LRP1B: variants seen among roughly 807,000 people sequenced by gnomAD.
The protein encoded by LRP1B is LDL receptor related protein 1B, also known as low-density lipoprotein receptor-related protein 1B.
LRP1B carries 217 observed loss-of-function variants against 556.6 expected under a neutral mutation model. That is an observed-to-expected ratio of 0.39 (90% CI 0.35 to 0.44). The LOEUF is 0.44. Among genes scored for constraint, LRP1B ranks in the 20% least tolerant of loss-of-function variants. LRP1B has a pLI of 1.00. For missense variants in LRP1B, 5,053 were observed against 5,620.8 expected (o/e 0.90, Z 3.23); for synonymous variants, 2,047 against 1,865.8 (o/e 1.10, Z -2.50).
chr2:140,308,286 C>A (rs1573766866), intron 83 of LRP1B, among the ~76,000 whole-genome samples: 1 of 151,586 alleles, frequency 6.6e-6, no homozygotes, highest in South Asian at 2.1e-4. Flanking sequence ...TATTTAATGT[C>A]AAAGTATGTA....
intron 6 of LRP1B, among the ~76,000 whole-genome samples, chr2:141,221,438 T>C (rs1683037075): frequency 6.6e-6 from 1 of 152,120 alleles, no homozygotes; most frequent in South Asian, 2.1e-4. Context: ...CATAGTCTTT[T>C]ACTCCCACAC....
intron 2 of LRP1B, among the ~76,000 whole-genome samples, chr2:141,627,802 A>G (rs1453920193): frequency 6.6e-6 from 1 of 152,122 alleles, no homozygotes; most frequent in Non-Finnish European, 1.5e-5. Flanking sequence ...ACGCGATACC[A>G]ACATAGTTTC....
intron 3 of LRP1B, among the ~76,000 whole-genome samples, chr2:141,381,078 G>C (rs1013221131): frequency 6.6e-6 from 1 of 152,004 alleles, no homozygotes; most frequent in African/African-American, 2.4e-5. Flanking sequence ...ATAATCTCCA[G>C]AAGCTGACCC....
chr2:140,356,772 T>C (rs1199442061), intron 74 of LRP1B, among the ~76,000 whole-genome samples: 1 of 151,822 alleles, frequency 6.6e-6, no homozygotes, highest in Non-Finnish European at 1.5e-5. Context: ...ATGATTCTAA[T>C]GACAGGCTAT....
rs200559665 is a variant in LRP1B, at chr2:140,483,579, T to TATATAC, written c.9425+1763_9425+1764insGTATAT. On this transcript the variant is annotated intron_variant, in intron 59 of 90. Coordinates refer to ENST00000389484, the MANE Select transcript of LRP1B (RefSeq NM_018557.3). ...ACACTCAAATATATATATATATATG[T>TATATAC]ACACACACATATATATAGACACACA... Among the ~76,000 whole-genome samples the TATATAC allele has an allele frequency of 3.2e-3, 449 of 142,444 alleles. 4 individuals are homozygous for TATATAC. The highest frequency in any genetic ancestry group is 0.01 in the African/African-American group (386 of 37,728). The allele number at this position is 142,444 out of a possible 152,430, so 93.4% of individuals were successfully genotyped here.
intron 41 of LRP1B, among the ~76,000 whole-genome samples, chr2:140,606,329 CAT>C (rs1360984105): frequency 2.0e-5 from 3 of 151,736 alleles, no homozygotes; most frequent in Non-Finnish European, 4.4e-5. Context: ...AATGTTAAAA[CAT>C]ATGCACCCAA....
intron 1 of LRP1B, among the ~76,000 whole-genome samples, chr2:141,889,658 C>T (rs553076986): frequency 1.8e-4 from 27 of 152,238 alleles, no homozygotes; most frequent in East Asian, 7.7e-4. Flanking sequence ...GACTGTCACA[C>T]TTTGCATAAT....
chr2:141,440,548 T>C (rs1680925137), intron 3 of LRP1B, among the ~76,000 whole-genome samples: 1 of 152,246 alleles, frequency 6.6e-6, no homozygotes. Flanking sequence ...TAAAATGGAC[T>C]GCAAAGGGGT....
At chr2:140,309,763 A>C (rs1558790018) in intron 83 of LRP1B, among the ~76,000 whole-genome samples, 1 of 151,884 alleles carries the variant, frequency 6.6e-6, no homozygotes, top group Non-Finnish European at 1.5e-5. Flanking sequence ...AAAAGTATAA[A>C]GAAAGATCTA....
intron 2 of LRP1B, among the ~76,000 whole-genome samples, chr2:141,790,907 A>C (rs1027887739): frequency 6.6e-6 from 1 of 152,010 alleles, no homozygotes; most frequent in African/African-American, 2.4e-5. Flanking sequence ...TAAGGCTACT[A>C]ATGTTATATG....
chr2:141,040,478 A>T (rs148232690), intron 11 of LRP1B, among the ~76,000 whole-genome samples: 2 of 152,208 alleles, frequency 1.3e-5, no homozygotes, highest in East Asian at 3.9e-4. Context: ...GCAGAAAATG[A>T]TAATCCTACT....
At chr2:140,313,362 A>C (rs1190184745) in intron 83 of LRP1B, among the ~76,000 whole-genome samples, 1 of 151,906 alleles carries the variant, frequency 6.6e-6, no homozygotes, top group South Asian at 2.1e-4. Flanking sequence ...AGCATGCATT[A>C]AAGTTTAGAC....
At position 141,020,038 on chromosome 2, in the gene LRP1B, A is replaced by G. The variant is rs1458611353; in HGVS notation, c.1854T>C (p.Asp618=). 3 of 1,612,130 alleles carry G rather than the reference A, an allele frequency of 1.9e-6. No individual in the cohort carries two copies. The highest frequency in any genetic ancestry group is 2.5e-6 in the Non-Finnish European group (3 of 1,178,684). The change falls in exon 12 of 91, where the codon GAT becomes GAC. Residue 618 remains aspartate, a synonymous_variant. Transcript: ENST00000389484. ...WIGNNLYWTN[D]GHRKTINVAR... is the part of the protein sequence containing the mutation. ...CCACATTAATGGTTTTCCTATGGCC[A>G]TCATTGGTCCAGTAAAGATTATTTC... is the stretch of plus-strand genomic sequence containing the variant.
rs1292389578 is a variant in LRP1B, at chr2:140,525,780, A to G, written c.8026+64T>C. The G allele has an allele frequency of 1.1e-5, 17 of 1,515,386 alleles. No homozygotes were observed. In the East Asian group the frequency reaches 2.0e-4, roughly 18 times the overall value. 93.9% of individuals were successfully genotyped at this position (1,515,386 alleles called of 1,614,324 possible). A position where few individuals can be genotyped will look rare whatever the true frequency, so the allele number is the denominator to read the frequency against. ...GAATAAAATTTTAAAAATTCACTCT[A>G]TACAACCAGGTAGCCTCAAAATCTC... On this transcript the variant is annotated intron_variant, in intron 49 of 90. Transcript: ENST00000389484.
At chr2:141,290,842 A>C (rs1187818844) in intron 3 of LRP1B, among the ~76,000 whole-genome samples, 1 of 152,176 alleles carries the variant, frequency 6.6e-6, no homozygotes, top group Non-Finnish European at 1.5e-5. Context: ...AGTTCACATA[A>C]GAATAACCTA....
intron 3 of LRP1B, among the ~76,000 whole-genome samples, chr2:141,336,155 T>C (rs1367255584): frequency 7.9e-6 from 1 of 126,268 alleles, no homozygotes; most frequent in South Asian, 2.5e-4. Context: ...GGAGCAGAAA[T>C]AGTCTGGATG....
chr2:141,105,981 A>G (rs1175093503), intron 7 of LRP1B, among the ~76,000 whole-genome samples: 1 of 152,138 alleles, frequency 6.6e-6, no homozygotes, highest in Non-Finnish European at 1.5e-5. Flanking sequence ...ATGGGAATCC[A>G]CAGGGGGCCA....
rs551862875 is a variant in LRP1B, at chr2:140,662,009, G to A, written c.6799+38241C>T. 6.6e-5 allele frequency among the ~76,000 whole-genome samples: 10 copies of A among 151,858 alleles called. No individual in the cohort carries two copies. In the South Asian group the frequency reaches 8.3e-4, roughly 13 times the overall value. ...CTTTTATCATTTAAACTCAAATATCGTGTTAAAAACTTGGAAGTAACTCTA... is the reference window on the plus strand; with the variant it reads ...CTTTTATCATTTAAACTCAAATATCATGTTAAAAACTTGGAAGTAACTCTA... On this transcript the variant is annotated intron_variant, in intron 41 of 90. Transcript: ENST00000389484.
chr2:141,888,107 C>T lies in LRP1B; in HGVS notation c.83-77706G>A, dbSNP rs563169757. 3.3e-5 allele frequency among the ~76,000 whole-genome samples: 5 copies of T among 152,216 alleles called. 1 individual carries two copies. In the East Asian group the frequency reaches 9.7e-4, roughly 29 times the overall value. On this transcript the variant is annotated intron_variant, in intron 1 of 90. Transcript: ENST00000389484. ...TCCTCCTTCCATGAGGGTGGAATGA[C>T]TCTCATCAGGAATTATATGGACTTT...
Sources: gnomAD v4.1 joint callset for allele counts (sites outside exome capture counted in the v4.1 genomes callset) on GRCh38, gnomAD v4.1.1 for gene constraint, MANE v1.5 for transcripts, NCBI Gene and HGNC (gene_info 2026-07-23, HGNC 2026-07-21) for gene names.